The following PAK5 variants were observed in gnomAD, a reference collection of about 807,000 sequenced individuals.
PAK5 encodes the protein p21 (RAC1) activated kinase 5.
PAK5 carries 16 observed loss-of-function variants against 65.9 expected under a neutral mutation model. That is an observed-to-expected ratio of 0.24 (90% CI 0.16 to 0.37). The LOEUF is 0.37. PAK5 is among the 10% of genes least tolerant of loss of function. PAK5 has a pLI of 1.00. For missense variants in PAK5, 785 were observed against 903.9 expected, an observed-to-expected ratio of 0.87 and a Z score of 1.69; for synonymous variants, 371 against 354.9, an observed-to-expected ratio of 1.05 and a Z score of -0.51.
intron 1 of PAK5, among the ~76,000 whole-genome samples, chr20:9,820,716 A>G (rs1000364592): frequency 1.8e-4 from 27 of 152,354 alleles, no homozygotes; most frequent in African/African-American, 5.3e-4. Context: ...TTTACAAAGT[A>G]TGGACCAAGG....
At chr20:9,539,999 C>T (rs1214689917) in intron 9 of PAK5, among the ~76,000 whole-genome samples, 1 of 152,226 alleles carries the variant, frequency 6.6e-6, no homozygotes, top group Non-Finnish European at 1.5e-5. Flanking sequence ...ACTGCAACCA[C>T]ACAGGCTCTG....
chr20:9,728,204 G>A (rs529264753), intron 1 of PAK5, among the ~76,000 whole-genome samples: 1 of 152,118 alleles, frequency 6.6e-6, no homozygotes, highest in East Asian at 1.9e-4. Flanking sequence ...TGAAGACACC[G>A]AGATGGTGCC....
At chr20:9,565,582 G>T (rs955222678) in intron 5 of PAK5, among the ~76,000 whole-genome samples, 1 of 152,160 alleles carries the variant, frequency 6.6e-6, no homozygotes, top group African/African-American at 2.4e-5. Context: ...CCCTGAGCCG[G>T]ATCTCTTAAC....
intron 6 of PAK5, among the ~76,000 whole-genome samples, chr20:9,558,049 TTC>T (rs2045537866): frequency 6.6e-6 from 1 of 151,674 alleles, no homozygotes; most frequent in Non-Finnish European, 1.5e-5. Context: ...TATTTATTCA[TTC>T]ATTCATTCAT....
intron 2 of PAK5, among the ~76,000 whole-genome samples, chr20:9,708,109 C>T (rs1163481098): frequency 6.6e-6 from 1 of 152,158 alleles, no homozygotes; most frequent in Non-Finnish European, 1.5e-5. Flanking sequence ...GGAACAGGAG[C>T]AATTTTTGTT....
At chr20:9,799,939 C>CAAAAAAAAAAAAAAAAAAAAA (rs71331383) in intron 1 of PAK5, among the ~76,000 whole-genome samples, 1 of 43,668 alleles carries the variant, frequency 2.3e-5, no homozygotes, top group Non-Finnish European at 4.5e-5. Flanking sequence ...ACTCTGTCTC[C>CAAAAAAAAAAAAAAAAAAAAA]AAAAAAAAAA....
Position 9,612,896 on chromosome 20 carries a change from T to TC in PAK5, c.204+31228dup, listed in dbSNP as rs368979101. Among the ~76,000 whole-genome samples the TC allele has an allele frequency of 4.0e-3, 608 of 151,486 alleles. 4 individuals carry two copies. The highest frequency in any genetic ancestry group is 0.014 in the African/African-American group (569 of 41,222). On this transcript the variant is annotated intron_variant, in intron 3 of 9. Transcript: ENST00000353224. Reference sequence around the variant, plus strand: ...GATGTTTATTAGTTTTTACTGTATCTCCCCCCCCATTAGACTATACAATCT... The same window carrying TC: ...GATGTTTATTAGTTTTTACTGTATCTCCCCCCCCCATTAGACTATACAATCT...
chr20:9,552,268 G>A (rs938880745), intron 7 of PAK5, among the ~76,000 whole-genome samples: 5 of 152,216 alleles, frequency 3.3e-5, no homozygotes, highest in South Asian at 2.1e-4. Flanking sequence ...TTTGAATTCC[G>A]GCCAATGAAT....
chr20:9,740,095 A>C (rs1172425347), intron 1 of PAK5, among the ~76,000 whole-genome samples: 2 of 152,190 alleles, frequency 1.3e-5, no homozygotes, highest in East Asian at 3.9e-4. Flanking sequence ...TCTATAGGGA[A>C]AAGGAATTAA....
At chr20:9,551,519 G>T (rs1300986648) in intron 7 of PAK5, among the ~76,000 whole-genome samples, 1 of 152,162 alleles carries the variant, frequency 6.6e-6, no homozygotes, top group African/African-American at 2.4e-5. Flanking sequence ...TGGAGGGTTG[G>T]GGGCTAGTGA....
At chr20:9,570,802 G>T (rs1407437366) in intron 4 of PAK5, among the ~76,000 whole-genome samples, 1 of 152,158 alleles carries the variant, frequency 6.6e-6, no homozygotes, top group African/African-American at 2.4e-5. Context: ...TTAAAAATGG[G>T]AAAGCTGCAT....
At chr20:9,708,449 C>A (rs936951019) in intron 2 of PAK5, among the ~76,000 whole-genome samples, 4 of 152,248 alleles carry the variant, frequency 2.6e-5, no homozygotes, top group Middle Eastern at 3.4e-3. Context: ...AGAATTAAAT[C>A]ATAAAATGCA....
At chr20:9,700,716 C>G (rs1417768422) in intron 2 of PAK5, among the ~76,000 whole-genome samples, 1 of 152,104 alleles carries the variant, frequency 6.6e-6, no homozygotes, top group Non-Finnish European at 1.5e-5. Context: ...AGTCATTTTC[C>G]TTGACACAAA....
rs1431419739 is a variant in PAK5 at position 9,694,319 on chromosome 20, TTTGTG to T, written c.-12+16962_-12+16966del. Among the ~76,000 whole-genome samples, 55 of 26,006 alleles carry T rather than the reference TTTGTG, an allele frequency of 2.1e-3. 1 individual carries two copies. The East Asian group carries it at 0.054, about 26-fold the overall frequency. 17.1% of individuals were successfully genotyped at this position (26,006 alleles called of 152,430 possible). Reference sequence around the variant, plus strand: ...GTGTGTGTGTTTGTGTGTGTGTGTGTTTGTGTGTGTGTGTGTGTGTGTGTGTATTT... The same window carrying T: ...GTGTGTGTGTTTGTGTGTGTGTGTGTTGTGTGTGTGTGTGTGTGTGTATTT... On this transcript the variant is annotated intron_variant, in intron 2 of 9. Coordinates refer to ENST00000353224, the MANE Select transcript of PAK5 (RefSeq NM_177990.4).
At chr20:9,559,671 G>A (rs1328109258) in intron 6 of PAK5, among the ~76,000 whole-genome samples, 1 of 152,108 alleles carries the variant, frequency 6.6e-6, no homozygotes, top group Non-Finnish European at 1.5e-5. Flanking sequence ...GTTGAAACAC[G>A]AGAATTGCTT....
chr20:9,570,460 G>A (rs574806230), intron 4 of PAK5, among the ~76,000 whole-genome samples: 3 of 117,662 alleles, frequency 2.5e-5, no homozygotes, highest in East Asian at 3.1e-4. Flanking sequence ...CAAGGAAAAC[G>A]TGTGTGTGTG....
chr20:9,759,744 C>T lies in PAK5; in HGVS notation c.-161-48309G>A, dbSNP rs117064492. 3.9e-3 allele frequency among the ~76,000 whole-genome samples: 600 copies of T among 152,162 alleles called. 5 individuals are homozygous for T. The highest frequency in any genetic ancestry group is 6.5e-3 in the Non-Finnish European group (444 of 68,006). On this transcript the variant is annotated intron_variant, in intron 1 of 9. Transcript: ENST00000353224. ...CACAACGTTTACCCAAACCCAGCTA[C>T]GAAATGACTCCCTGGAGGCAGGAAG...
intron 1 of PAK5, among the ~76,000 whole-genome samples, chr20:9,729,789 G>GT (rs5840326): frequency 0.67 from 101,039 of 151,386 alleles, 34,021 homozygotes; most frequent in South Asian, 0.84. Flanking sequence ...TTGTTTTTTT[G>GT]TTTTTTTTAC....
chr20:9,568,542 C>T lies in PAK5; in HGVS notation c.991-2158G>A, dbSNP rs549943517. On this transcript the variant is annotated intron_variant, in intron 4 of 9. Transcript: ENST00000353224. Reference sequence around the variant, plus strand: ...CCTGACATTCATATTCCTATGTAGTCCCCTTCTACACTGTATTGGGATCAA... The same window carrying T: ...CCTGACATTCATATTCCTATGTAGTTCCCTTCTACACTGTATTGGGATCAA... Among the ~76,000 whole-genome samples, 10 of 152,282 alleles carry T rather than the reference C, an allele frequency of 6.6e-5. No homozygotes were observed. The South Asian group carries it at 1.7e-3, about 25-fold the overall frequency.
Sources: gnomAD v4.1 joint callset for allele counts (sites outside exome capture counted in the v4.1 genomes callset) on GRCh38, gnomAD v4.1.1 for gene constraint, MANE v1.5 for transcripts, NCBI Gene and HGNC (gene_info 2026-07-23, HGNC 2026-07-21) for gene names.